Variants in KCNH1 observed in about 807,000 individuals in gnomAD.
KCNH1 encodes voltage-gated delayed rectifier potassium channel KCNH1.
Under a neutral mutation model 69.2 loss-of-function variants are expected in KCNH1, and 27 were observed. The ratio of observed to expected loss-of-function variants is 0.39; its 90% CI spans 0.29 to 0.54. The LOEUF (loss-of-function observed/expected upper bound fraction) is 0.54. Among genes scored for constraint, KCNH1 ranks in the 20% least tolerant of loss-of-function variants. The probability of loss-of-function intolerance (pLI) is 0.68; values close to 1 mark genes in which losing one functional copy is unlikely to be tolerated. For synonymous variants in KCNH1, 456 were observed against 487.7 expected, an observed-to-expected ratio of 0.93 and a Z score of 0.86; for missense variants, 798 against 1,261.6, an observed-to-expected ratio of 0.63 and a Z score of 5.57.
At chr1:210,710,213 C>A (rs1257123928) in intron 10 of KCNH1, among the ~76,000 whole-genome samples, 1 of 151,690 alleles carries the variant, frequency 6.6e-6, no homozygotes, top group Admixed American at 6.6e-5. Context: ...AGTAAAAACA[C>A]AATATAAAAG....
At chr1:211,101,312 A>C (rs1691253519) in intron 3 of KCNH1, among the ~76,000 whole-genome samples, 1 of 135,188 alleles carries the variant, frequency 7.4e-6, no homozygotes, top group Admixed American at 7.2e-5. Context: ...AGACAAAAAA[A>C]CCATACACAC....
intron 7 of KCNH1, among the ~76,000 whole-genome samples, chr1:210,890,014 G>A (rs1686710388): frequency 6.6e-6 from 1 of 152,132 alleles, no homozygotes; most frequent in African/African-American, 2.4e-5. Context: ...AGCCACCATT[G>A]ACTTTCTTCA....
At chr1:210,777,104 G>T (rs1236145762) in intron 9 of KCNH1, among the ~76,000 whole-genome samples, 17 of 152,228 alleles carry the variant, frequency 1.1e-4, no homozygotes, top group Admixed American at 9.2e-4. Context: ...CTCCACAGCT[G>T]AAATCAAAGG....
At chr1:210,839,122 C>A (rs1157198444) in intron 7 of KCNH1, among the ~76,000 whole-genome samples, 1 of 152,132 alleles carries the variant, frequency 6.6e-6, no homozygotes, top group Non-Finnish European at 1.5e-5. Context: ...ATGTTCATTG[C>A]AGCAGCATTC....
intron 9 of KCNH1, among the ~76,000 whole-genome samples, chr1:210,790,186 C>G (rs1231665585): frequency 6.6e-6 from 1 of 152,240 alleles, no homozygotes; most frequent in East Asian, 1.9e-4. Flanking sequence ...CATATTTCTT[C>G]CTCTAAATCC....
At chr1:210,709,666 A>G (rs1178325090) in intron 10 of KCNH1, among the ~76,000 whole-genome samples, 1 of 152,008 alleles carries the variant, frequency 6.6e-6, no homozygotes, top group South Asian at 2.1e-4. Context: ...ATTGACAGAT[A>G]GACGGAAAGA....
At position 210,684,066 on chromosome 1, in the gene KCNH1, G is replaced by C. The variant is rs1558421540; in HGVS notation, c.2185C>G (p.Leu729Val). Reference sequence around the variant, plus strand: ...ACAGGGTGGTCCGGGGGCAAGATCAGGGGGGCCTCATTCTTTCGTTTCATG... The same window carrying C: ...ACAGGGTGGTCCGGGGGCAAGATCACGGGGGCCTCATTCTTTCGTTTCATG... ...ERMKRKNEAP[L>V]ILPPDHPVRR... The change falls in exon 11 of 11, where the codon CTG becomes GTG. Residue 729 changes from leucine to valine, a missense_variant. Transcript: ENST00000271751. 6.6e-7 allele frequency: 1 copy of C among 1,525,862 alleles called. No individual in the cohort carries two copies. Among genetic ancestry groups the C allele is most frequent in the Non-Finnish European group, 8.8e-7 (1 of 1,137,098 alleles). 94.5% of individuals were successfully genotyped at this position (1,525,862 alleles called of 1,614,324 possible).
At chr1:210,857,982 T>C (rs1311914130) in intron 7 of KCNH1, 1 of 152,032 alleles carries the variant, frequency 6.6e-6, no homozygotes, top group Non-Finnish European at 1.5e-5. Flanking sequence ...GGGGAGTGGG[T>C]GAGTGTTAAA....
intron 7 of KCNH1, among the ~76,000 whole-genome samples, chr1:210,886,695 A>G (rs113858349): frequency 0.013 from 1,904 of 152,116 alleles, 45 homozygotes; most frequent in African/African-American, 0.043. Flanking sequence ...GTTTAGAGAA[A>G]AATATAAATG....
intron 6 of KCNH1, among the ~76,000 whole-genome samples, chr1:210,992,298 A>G (rs1004860560): frequency 1.3e-5 from 2 of 152,222 alleles, no homozygotes; most frequent in African/African-American, 2.4e-5. Context: ...GCCCTTCTAC[A>G]TAACAGTGAA....
chr1:210,732,911 G>C (rs1189247742), intron 10 of KCNH1, among the ~76,000 whole-genome samples: 2 of 152,144 alleles, frequency 1.3e-5, no homozygotes, highest in African/African-American at 4.8e-5. Context: ...GAATTTGGGG[G>C]AAACACGAAC....
intron 10 of KCNH1, among the ~76,000 whole-genome samples, chr1:210,726,814 G>GC (rs1558442596): frequency 2.6e-4 from 39 of 149,826 alleles, no homozygotes; most frequent in African/African-American, 8.4e-4. Flanking sequence ...CCCCGGCGGG[G>GC]GTGGGGTGGA....
At chr1:210,723,843 T>C (rs1161267249) in intron 10 of KCNH1, among the ~76,000 whole-genome samples, 1 of 152,192 alleles carries the variant, frequency 6.6e-6, no homozygotes, top group East Asian at 1.9e-4. Flanking sequence ...ATTGATGCTT[T>C]GATGGCAAAC....
intron 7 of KCNH1, among the ~76,000 whole-genome samples, chr1:210,882,636 A>G (rs978882675): frequency 6.6e-6 from 1 of 152,158 alleles, no homozygotes; most frequent in African/African-American, 2.4e-5. Context: ...TTCCTTTGCT[A>G]TGAGTCAGAG....
intron 1 of KCNH1, among the ~76,000 whole-genome samples, chr1:211,121,586 A>C (rs540356890): frequency 4.6e-5 from 7 of 152,334 alleles, no homozygotes; most frequent in African/African-American, 1.7e-4. Context: ...CCCTAGAAGA[A>C]AACCTAGGCA....
At chr1:210,692,129 T>C (rs549016485) in intron 10 of KCNH1, among the ~76,000 whole-genome samples, 1 of 152,220 alleles carries the variant, frequency 6.6e-6, no homozygotes, top group African/African-American at 2.4e-5. Flanking sequence ...CTGGCGTTAA[T>C]CAAGAATGAC....
At position 210,799,108 on chromosome 1, in the gene KCNH1, T is replaced by TA. The variant is rs35131865; in HGVS notation, c.1663-1349dup. Among the ~76,000 whole-genome samples, 674 of 144,448 alleles carry TA rather than the reference T, an allele frequency of 4.7e-3. 4 individuals carry two copies. Among genetic ancestry groups the TA allele is most frequent in the African/African-American group, 0.014 (565 of 39,382 alleles). 94.8% of individuals were successfully genotyped at this position (144,448 alleles called of 152,430 possible). A position where few individuals can be genotyped will look rare whatever the true frequency, so the allele number is the denominator to read the frequency against. On this transcript the variant is annotated intron_variant, in intron 8 of 10. Coordinates refer to ENST00000271751, the MANE Select transcript of KCNH1 (RefSeq NM_172362.3). ...AGTGGTAAGTGCTTAAAGAAAACAA[T>TA]AAAAAAAAAAGGAAAGAAGGATAGG...
chr1:210,780,295 C>T (rs1243653412), intron 9 of KCNH1, among the ~76,000 whole-genome samples: 1 of 152,194 alleles, frequency 6.6e-6, no homozygotes, highest in Non-Finnish European at 1.5e-5. Context: ...CTGGCTGCTT[C>T]TCTTCACTAT....
chr1:210,954,892 G>T (rs562650926), intron 6 of KCNH1, among the ~76,000 whole-genome samples: 169 of 152,296 alleles, frequency 1.1e-3, no homozygotes, highest in African/African-American at 3.9e-3. Context: ...CTGTGCAGAA[G>T]CTCTTTAGCT....
Sources: gnomAD v4.1 joint callset for allele counts (sites outside exome capture counted in the v4.1 genomes callset) on GRCh38, gnomAD v4.1.1 for gene constraint, MANE v1.5 for transcripts, NCBI Gene and HGNC (gene_info 2026-07-23, HGNC 2026-07-21) for gene names.